Variants in AGAP1 observed in about 807,000 individuals in gnomAD.
AGAP1 encodes ArfGAP with GTPase domain, ankyrin repeat and PH domain 1.
Under a neutral mutation model 105.3 loss-of-function variants are expected in AGAP1, and 29 were observed. The ratio of observed to expected loss-of-function variants is 0.28; its 90% confidence interval spans 0.21 to 0.38. AGAP1 has a LOEUF of 0.38. AGAP1 is among the 10% of genes least tolerant of loss of function. The pLI is 1.00. For missense variants in AGAP1, 998 were observed against 1,165.1 expected, an observed-to-expected ratio of 0.86 and a Z score of 2.09; for synonymous variants, 509 against 485.9, an observed-to-expected ratio of 1.05 and a Z score of -0.63.
Position 235,831,184 on chromosome 2 carries a change from T to TAAA in AGAP1, c.1050+23869_1050+23871dup, listed in dbSNP as rs35101565. Among the ~76,000 whole-genome samples, 232 of 138,104 alleles carry TAAA rather than the reference T, an allele frequency of 1.7e-3. 4 individuals are homozygous for TAAA. Among genetic ancestry groups the TAAA allele is most frequent in the African/African-American group, 6.0e-3 (215 of 35,544 alleles). The allele number at this position is 138,104 out of a possible 152,430, so 90.6% of individuals were successfully genotyped here. On this transcript the variant is annotated intron_variant, in intron 9 of 17. Coordinates refer to ENST00000304032, the MANE Select transcript of AGAP1 (RefSeq NM_001037131.3). Reference sequence around the variant, plus strand: ...TCCAGAGTGCTTCACTCTTCTTCTTTAAAAAAAAAAAAAAAAAACAGTAAA... The same window carrying TAAA: ...TCCAGAGTGCTTCACTCTTCTTCTTTAAAAAAAAAAAAAAAAAAAAACAGTAAA...
chr2:235,759,104 G>A (rs889225514), intron 6 of AGAP1, among the ~76,000 whole-genome samples: 2 of 150,446 alleles, frequency 1.3e-5, no homozygotes, highest in African/African-American at 2.5e-5. Flanking sequence ...ATATAAGGGG[G>A]TTTGATGCTG....
chr2:235,709,697 A>G (rs998733860), intron 2 of AGAP1, among the ~76,000 whole-genome samples: 8 of 152,164 alleles, frequency 5.3e-5, no homozygotes, highest in Admixed American at 2.0e-4. Flanking sequence ...AAATGTGACT[A>G]TTTACCCTGT....
At position 235,989,180 on chromosome 2, in the gene AGAP1, G is replaced by A. The variant is rs933671595; in HGVS notation, c.1645+20557G>A. On this transcript the variant is annotated intron_variant, in intron 13 of 17. Transcript: ENST00000304032. This position sits in a 1 kb window ranked among gnomAD's most constrained non-coding sequence, Gnocchi z 4.4. ...CAATACCAGGTCTTAACAGCTTGTT[G>A]TCTGTGGTGTCTTCCTTCTTCCCTG... Among the ~76,000 whole-genome samples the A allele has an allele frequency of 6.6e-6, 1 of 152,202 alleles. No homozygotes were observed. Among genetic ancestry groups the A allele is most frequent in the African/African-American group, 2.4e-5 (1 of 41,448 alleles).
chr2:235,984,663 T>C (rs903828607), intron 13 of AGAP1, among the ~76,000 whole-genome samples: 2 of 152,086 alleles, frequency 1.3e-5, no homozygotes, highest in Non-Finnish European at 2.9e-5. Flanking sequence ...CCATGTGTTC[T>C]CGATGTTCAA....
intron 1 of AGAP1, among the ~76,000 whole-genome samples, chr2:235,572,178 C>T (rs1315964806): frequency 6.6e-6 from 1 of 151,656 alleles, no homozygotes; most frequent in East Asian, 2.0e-4. Context: ...TACCAGGTGG[C>T]ATTACTGAGA....
At chr2:235,592,225 C>T (rs1469747787) in intron 1 of AGAP1, among the ~76,000 whole-genome samples, 4 of 152,224 alleles carry the variant, frequency 2.6e-5, no homozygotes, top group African/African-American at 9.6e-5. Context: ...GAGGCTCCTC[C>T]TCCACTGCCC....
chr2:235,572,213 C>T (rs1944551311), intron 1 of AGAP1, among the ~76,000 whole-genome samples: 1 of 151,436 alleles, frequency 6.6e-6, no homozygotes, highest in Non-Finnish European at 1.5e-5. Flanking sequence ...GGGGAGATTG[C>T]GTGCCGTGCC....
At position 235,889,083 on chromosome 2, in the gene AGAP1, G is replaced by A. The variant is rs1472125562; in HGVS notation, c.1155+5634G>A. Among the ~76,000 whole-genome samples, 2 of 152,184 alleles carry A rather than the reference G, an allele frequency of 1.3e-5. No individual in the cohort carries two copies. Among genetic ancestry groups the A allele is most frequent in the East Asian group, 1.9e-4 (1 of 5,194 alleles). ...CACGGAAGTGTTTGTGTGAAAGATC[G>A]ATCACCTTTGGACACGAACTTCAAG... On this transcript the variant is annotated intron_variant, in intron 10 of 17. Coordinates refer to ENST00000304032, the MANE Select transcript of AGAP1 (RefSeq NM_001037131.3). The surrounding 1 kb of genome is among the most constrained non-coding windows in gnomAD (Gnocchi z 4.6).
chr2:235,918,284 T>C (rs774854563), intron 11 of AGAP1, among the ~76,000 whole-genome samples: 2 of 152,228 alleles, frequency 1.3e-5, no homozygotes, highest in Non-Finnish European at 2.9e-5. Context: ...GGTCGAGAAT[T>C]ATTTTTCTGA....
intron 1 of AGAP1, among the ~76,000 whole-genome samples, chr2:235,673,412 G>A (rs1457506097): frequency 6.6e-6 from 1 of 152,166 alleles, no homozygotes; most frequent in East Asian, 1.9e-4. Context: ...GGGGACAGGT[G>A]GGTTTGTAGG....
chr2:235,536,771 C>CAG (rs976656637), intron 1 of AGAP1, among the ~76,000 whole-genome samples: 1 of 152,106 alleles, frequency 6.6e-6, no homozygotes, highest in Non-Finnish European at 1.5e-5. Flanking sequence ...AGCGGTGAAC[C>CAG]AGAGAGAGAG....
At chr2:235,636,261 A>G (rs1946999146) in intron 1 of AGAP1, among the ~76,000 whole-genome samples, 1 of 152,106 alleles carries the variant, frequency 6.6e-6, no homozygotes, top group African/African-American at 2.4e-5. Context: ...CAGGGCCTTT[A>G]TCCTTGGGGC....
At chr2:235,829,961 G>T (rs1269307595) in intron 9 of AGAP1, among the ~76,000 whole-genome samples, 1 of 152,166 alleles carries the variant, frequency 6.6e-6, no homozygotes, top group Non-Finnish European at 1.5e-5. Flanking sequence ...GGCACATCTG[G>T]ACATGGACAG....
At chr2:235,666,442 T>C (rs1948129894) in intron 1 of AGAP1, among the ~76,000 whole-genome samples, 1 of 152,022 alleles carries the variant, frequency 6.6e-6, no homozygotes, top group Non-Finnish European at 1.5e-5. Flanking sequence ...AGAGCCCATC[T>C]CTCTAAGGCA....
chr2:235,826,609 C>T (rs982967657), intron 9 of AGAP1, among the ~76,000 whole-genome samples: 2 of 152,076 alleles, frequency 1.3e-5, no homozygotes, highest in East Asian at 1.9e-4. Context: ...GCCACCACAC[C>T]CAGCTAATTT....
chr2:235,767,859 A>G (rs1276080781), intron 6 of AGAP1, among the ~76,000 whole-genome samples: 1 of 133,822 alleles, frequency 7.5e-6, no homozygotes, highest in Non-Finnish European at 1.5e-5. Context: ...ATTTGGACTC[A>G]CTGCAACCTC....
intron 9 of AGAP1, among the ~76,000 whole-genome samples, chr2:235,827,390 G>A (rs1212042032): frequency 6.6e-6 from 1 of 152,128 alleles, no homozygotes; most frequent in East Asian, 1.9e-4. Flanking sequence ...AGGAGGTAAG[G>A]GGGCTGCCGG....
intron 2 of AGAP1, among the ~76,000 whole-genome samples, chr2:235,715,316 C>T (rs940361383): frequency 1.3e-5 from 2 of 152,138 alleles, no homozygotes; most frequent in African/African-American, 2.4e-5. Context: ...TGTCTTGGCC[C>T]GTATCCAGAG....
intron 13 of AGAP1, among the ~76,000 whole-genome samples, chr2:236,016,676 G>A (rs1253874335): frequency 6.6e-6 from 1 of 152,148 alleles, no homozygotes; most frequent in Non-Finnish European, 1.5e-5. Context: ...CACAGCATCT[G>A]CTCTGCCCAG....
Sources: gnomAD v4.1 joint callset for allele counts (sites outside exome capture counted in the v4.1 genomes callset) on GRCh38, gnomAD v4.1.1 for gene constraint, Gnocchi (gnomAD v3.1) non-coding constraint, MANE v1.5 for transcripts, NCBI Gene and HGNC (gene_info 2026-07-23, HGNC 2026-07-21) for gene names.